The following OR56A3 variants were observed in gnomAD, a reference collection of about 807,000 sequenced individuals.
OR56A3 encodes olfactory receptor 56A3.
Under a neutral mutation model 17.5 loss-of-function variants are expected in OR56A3, and 23 were observed. The observed-to-expected ratio is 1.32, with a 90% CI of 0.95 to 1.87. The LOEUF is 1.87. OR56A3 is among the 40% of genes most tolerant of loss of function. The pLI is 0.00. For missense variants in OR56A3, 366 were observed against 380.1 expected (o/e 0.96, Z 0.31); for synonymous variants, 175 against 150.6 (o/e 1.16, Z -1.19).
At chr11:5,994,640 C>T in the OR56A3 span, 1 of 777,800 alleles carries the variant, frequency 1.3e-6, no homozygotes, top group East Asian at 2.5e-5. Context: ...CACAGACTGG[C>T]ACATGGCCAG....
the OR56A3 span, among the ~76,000 whole-genome samples, chr11:6,013,743 C>T: frequency 6.6e-6 from 1 of 152,158 alleles, no homozygotes; most frequent in African/African-American, 2.4e-5. Context: ...CCCCACTCAT[C>T]ATAGCTTGTG....
At chr11:5,993,529 A>T in the OR56A3 span, among the ~76,000 whole-genome samples, 1 of 152,130 alleles carries the variant, frequency 6.6e-6, no homozygotes, top group Non-Finnish European at 1.5e-5. Context: ...GAATGTAAAA[A>T]CCTGTTTCTC....
At chr11:5,987,053 C>G in the OR56A3 span, 1 of 850,300 alleles carries the variant, frequency 1.2e-6, no homozygotes, top group Non-Finnish European at 1.8e-6. Flanking sequence ...AGAAAATCTC[C>G]TTTGGTGGAG....
At chr11:6,009,818 TCCTC>T in the OR56A3 span, among the ~76,000 whole-genome samples, 1 of 152,216 alleles carries the variant, frequency 6.6e-6, no homozygotes, top group Non-Finnish European at 1.5e-5. Context: ...ATGTTTCTCC[TCCTC>T]CCTATTTTCT....
chr11:6,011,355 G>A, the OR56A3 span, among the ~76,000 whole-genome samples: 1 of 152,066 alleles, frequency 6.6e-6, no homozygotes, highest in African/African-American at 2.4e-5. Context: ...TAAACCTTCA[G>A]TGTGAGACAT....
the OR56A3 span, chr11:6,021,217 TTGCCAAAGAAACA>T: frequency 6.6e-6 from 1 of 152,112 alleles, no homozygotes; most frequent in Non-Finnish European, 1.5e-5. Flanking sequence ...AGGGGGTTTA[TTGCCAAAGAAACA>T]TGAACTTGAC....
chr11:5,987,832 C>T, the OR56A3 span, among the ~76,000 whole-genome samples: 48 of 152,270 alleles, frequency 3.2e-4, no homozygotes, highest in Non-Finnish European at 6.5e-4. Context: ...TATTTCATAA[C>T]ATCTTTCTGC....
chr11:5,961,752 TA>T, the OR56A3 span, among the ~76,000 whole-genome samples: 1,479 of 134,434 alleles, frequency 0.011, 8 homozygotes, highest in Middle Eastern at 0.019. Flanking sequence ...AATAAATACT[TA>T]AAAAAAAAAA....
the OR56A3 span, chr11:5,985,900 CAGA>C: frequency 3.3e-6 from 5 of 1,533,350 alleles, no homozygotes; most frequent in Non-Finnish European, 3.5e-6. Flanking sequence ...CTGTGGTCCG[CAGA>C]AGAAGCCTCC....
the OR56A3 span, chr11:6,002,926 A>G: frequency 6.2e-7 from 1 of 1,613,964 alleles, no homozygotes; most frequent in Non-Finnish European, 8.5e-7. Flanking sequence ...CAGCTCTGGA[A>G]GTTGGGGAAG....
the OR56A3 span, among the ~76,000 whole-genome samples, chr11:6,009,013 G>A: frequency 6.6e-6 from 1 of 152,122 alleles, no homozygotes; most frequent in African/African-American, 2.4e-5. Context: ...TCTAAGTAAT[G>A]CATGTTGTGA....
the OR56A3 span, among the ~76,000 whole-genome samples, chr11:5,969,227 T>A: frequency 6.6e-6 from 1 of 152,264 alleles, no homozygotes. Context: ...TTAACATTTA[T>A]AACCACTAAC....
the OR56A3 span, among the ~76,000 whole-genome samples, chr11:5,977,184 T>C: frequency 3.3e-5 from 5 of 152,322 alleles, no homozygotes; most frequent in African/African-American, 1.2e-4. Flanking sequence ...TTCAAATGCA[T>C]GTATCTTCAT....
the OR56A3 span, chr11:6,001,838 G>A: frequency 2.0e-6 from 1 of 493,040 alleles, no homozygotes; most frequent in Non-Finnish European, 3.4e-6. Context: ...AGTAACCATA[G>A]AATCCAGAAA....
the OR56A3 span, among the ~76,000 whole-genome samples, chr11:5,985,313 A>G: frequency 6.6e-6 from 1 of 152,242 alleles, no homozygotes; most frequent in Non-Finnish European, 1.5e-5. Context: ...ATCTTTTAAA[A>G]TAAATTTCCT....
the OR56A3 span, chr11:6,019,496 G>C: frequency 6.6e-6 from 1 of 152,262 alleles, no homozygotes; most frequent in Non-Finnish European, 1.5e-5. Flanking sequence ...CACATGGCTG[G>C]GGAAGCCTCA....
the OR56A3 span, among the ~76,000 whole-genome samples, chr11:5,998,400 G>T: frequency 2.6e-5 from 4 of 152,166 alleles, no homozygotes; most frequent in African/African-American, 9.7e-5. Context: ...GCCTGAATCA[G>T]AGGCCCTCAC....
At chr11:5,963,889 C>G in the OR56A3 span, among the ~76,000 whole-genome samples, 1 of 151,924 alleles carries the variant, frequency 6.6e-6, no homozygotes, top group Non-Finnish European at 1.5e-5. Context: ...TTTCTTTATT[C>G]TTTTTAGTTC....
downstream of OR56A3, among the ~76,000 whole-genome samples, chr11:5,956,012 A>T (rs1847930464): frequency 6.6e-6 from 1 of 152,246 alleles, no homozygotes; most frequent in Admixed American, 6.5e-5. Flanking sequence ...CTAGTATATC[A>T]ACTGTGGAAA....
Sources: gnomAD v4.1 joint callset for allele counts (sites outside exome capture counted in the v4.1 genomes callset) on GRCh38, gnomAD v4.1.1 for gene constraint, MANE v1.5 for transcripts, NCBI Gene and HGNC (gene_info 2026-07-23, HGNC 2026-07-21) for gene names.